TOM1L2: variants seen among roughly 807,000 people sequenced by gnomAD.
TOM1L2 encodes the protein target of myb1 like 2 membrane trafficking protein.
A neutral mutation model predicts 67.9 loss-of-function variants in TOM1L2; 31 were observed. The observed-to-expected ratio is 0.46, with a 90% CI of 0.34 to 0.62. TOM1L2 has a LOEUF of 0.62. TOM1L2 is among the 20% of genes least tolerant of loss of function. The pLI, the probability that TOM1L2 is intolerant of heterozygous loss-of-function variation, is 0.01. For missense variants in TOM1L2, 606 were observed against 663.5 expected, an observed-to-expected ratio of 0.91 and a Z score of 0.95; for synonymous variants, 256 against 254.0, an observed-to-expected ratio of 1.01 and a Z score of -0.07.
In TOM1L2 at chr17:17,881,294, G is replaced by T. The variant is rs548821605; in HGVS notation, c.660+1411C>A. Reference sequence around the variant, plus strand: ...GGGCAGCCACCCAGTAGACTCTGAAGCCCTGGGTCCTCTTGGCCAGGCTGG... The same window carrying T: ...GGGCAGCCACCCAGTAGACTCTGAATCCCTGGGTCCTCTTGGCCAGGCTGG... On this transcript the variant is annotated intron_variant, in intron 6 of 14. Transcript: ENST00000379504. Among the ~76,000 whole-genome samples, 376 of 152,240 alleles carry T rather than the reference G, an allele frequency of 2.5e-3. 1 individual carries two copies. Among genetic ancestry groups the T allele is most frequent in the Middle Eastern group, 6.8e-3 (2 of 294 alleles).
intron 1 of TOM1L2, among the ~76,000 whole-genome samples, chr17:17,920,084 G>A (rs1457685364): frequency 6.6e-6 from 1 of 152,126 alleles, no homozygotes; most frequent in Non-Finnish European, 1.5e-5. Context: ...AGTATTGGAT[G>A]CAGCCCACCC....
chr17:17,878,601 G>T (rs1338001846), intron 7 of TOM1L2, among the ~76,000 whole-genome samples: 1 of 152,250 alleles, frequency 6.6e-6, no homozygotes, highest in Non-Finnish European at 1.5e-5. Flanking sequence ...GCCAGCAGCA[G>T]GGTAGAAGGT....
intron 1 of TOM1L2, among the ~76,000 whole-genome samples, chr17:17,936,121 G>A (rs2040505724): frequency 1.3e-5 from 2 of 152,176 alleles, no homozygotes; most frequent in South Asian, 4.1e-4. Context: ...GTCTTCCTCT[G>A]CAGCCCATCT....
intron 1 of TOM1L2, among the ~76,000 whole-genome samples, chr17:17,963,580 G>C (rs1361543364): frequency 2.0e-5 from 3 of 152,208 alleles, no homozygotes; most frequent in Non-Finnish European, 4.4e-5. Context: ...ATTTTTAAAT[G>C]AGATAAGTAT....
chr17:17,893,936 T>C, intron 3 of TOM1L2, 126 bp from the exon 4 acceptor site: 1 of 949,698 alleles, frequency 1.1e-6, no homozygotes, highest in East Asian at 2.6e-5. Flanking sequence ...TTCTGACACG[T>C]CTCCTCCAGA....
chr17:17,950,986 T>C (rs1289454837), intron 1 of TOM1L2, among the ~76,000 whole-genome samples: 2 of 152,128 alleles, frequency 1.3e-5, no homozygotes, highest in Non-Finnish European at 2.9e-5. Context: ...TGCTGTTTCA[T>C]CTTCCCCACT....
At chr17:17,866,564 G>T in intron 9 of TOM1L2, 145 bp from the exon 10 acceptor site, 1 of 1,109,474 alleles carries the variant, frequency 9.0e-7, no homozygotes, top group Non-Finnish European at 1.2e-6. Flanking sequence ...TCCCCCACCT[G>T]CCTTCCAGGT....
Position 17,952,376 on chromosome 17 carries a change from C to CTTTTTTTTTTTTT in TOM1L2, c.52+19873_52+19885dup, listed in dbSNP as rs60388742. Among the ~76,000 whole-genome samples the CTTTTTTTTTTTTT allele has an allele frequency of 1.1e-3, 88 of 79,898 alleles. 2 individuals are homozygous for CTTTTTTTTTTTTT. Among genetic ancestry groups the CTTTTTTTTTTTTT allele is most frequent in the African/African-American group, 1.8e-3 (42 of 22,842 alleles). The allele number at this position is 79,898 out of a possible 152,430, so 52.4% of individuals were successfully genotyped here. A position where few individuals can be genotyped will look rare whatever the true frequency, so the allele number is the denominator to read the frequency against. ...TATACAGTAAGTGCTTCTTTATTTT[C>CTTTTTTTTTTTTT]TTTTTTTTTTTTTTTTTTTTTTTTT... On this transcript the variant is annotated intron_variant, in intron 1 of 14. Coordinates refer to ENST00000379504, the MANE Select transcript of TOM1L2 (RefSeq NM_001082968.2).
Position 17,862,793 on chromosome 17 carries a change from G to A in TOM1L2, c.1140C>T (p.Pro380=). The A allele has an allele frequency of 6.2e-7, 1 of 1,614,168 alleles. No homozygotes were observed. Among genetic ancestry groups the A allele is most frequent in the Non-Finnish European group, 8.5e-7 (1 of 1,180,030 alleles). The change falls in exon 11 of 15, where the codon CCC becomes CCT. Residue 380 remains proline (P), a synonymous_variant. Transcript: ENST00000379504. Reference sequence around the variant, plus strand: ...GGGCAAACATGTCAAAGCCGTCACGGGGATTACATTGCTGGAGTGAACTGA... The same window carrying A: ...GGGCAAACATGTCAAAGCCGTCACGAGGATTACATTGCTGGAGTGAACTGA... ...GTLSSLQQCN[P]RDGFDMFAQT... is the part of the protein sequence containing the mutation.
intron 1 of TOM1L2, among the ~76,000 whole-genome samples, chr17:17,908,106 A>C (rs1568235946): frequency 6.6e-6 from 1 of 152,200 alleles, no homozygotes; most frequent in African/African-American, 2.4e-5. Flanking sequence ...GAAAGAAAGG[A>C]CCATTGGTTA....
At chr17:17,958,123 C>T (rs2144987298) in intron 1 of TOM1L2, among the ~76,000 whole-genome samples, 1 of 152,058 alleles carries the variant, frequency 6.6e-6, no homozygotes, top group South Asian at 2.1e-4. Flanking sequence ...AACTAAAAGC[C>T]ACTTTGATTT....
chr17:17,910,413 C>A (rs1261698180), intron 1 of TOM1L2, among the ~76,000 whole-genome samples: 1 of 152,282 alleles, frequency 6.6e-6, no homozygotes, highest in Non-Finnish European at 1.5e-5. Flanking sequence ...TGAATGACTG[C>A]ATTAGCAACC....
At chr17:17,965,445 T>C (rs2041841493) in intron 1 of TOM1L2, among the ~76,000 whole-genome samples, 1 of 152,140 alleles carries the variant, frequency 6.6e-6, no homozygotes. Context: ...AACATCCTTT[T>C]CCATTTCTAC....
chr17:17,928,169 C>A (rs2040174180), intron 1 of TOM1L2, among the ~76,000 whole-genome samples: 1 of 147,210 alleles, frequency 6.8e-6, no homozygotes, highest in African/African-American at 2.5e-5. Context: ...CAAAAAAAAT[C>A]AGTAGGAGAC....
chr17:17,946,759 C>T (rs966584979), intron 1 of TOM1L2, among the ~76,000 whole-genome samples: 4 of 151,984 alleles, frequency 2.6e-5, no homozygotes, highest in African/African-American at 9.7e-5. Flanking sequence ...GAGTCTCACT[C>T]TATCGCCCAG....
At chr17:17,901,748 G>A (rs2038867360) in intron 2 of TOM1L2, among the ~76,000 whole-genome samples, 1 of 152,198 alleles carries the variant, frequency 6.6e-6, no homozygotes, top group African/African-American at 2.4e-5. Flanking sequence ...GCTGAGGAGG[G>A]TCCAGAGATG....
intron 1 of TOM1L2, among the ~76,000 whole-genome samples, chr17:17,928,904 T>C (rs2040210147): frequency 6.6e-6 from 1 of 152,220 alleles, no homozygotes; most frequent in Non-Finnish European, 1.5e-5. Context: ...GTGCTTCTGC[T>C]ACGTGGGTTT....
intron 11 of TOM1L2, chr17:17,861,849 G>T: frequency 3.3e-6 from 1 of 304,550 alleles, no homozygotes; most frequent in Non-Finnish European, 6.1e-6. Flanking sequence ...CTCTGAAGCT[G>T]AATGTCCAAA....
chr17:17,968,395 A>C (rs1340081020), intron 1 of TOM1L2, among the ~76,000 whole-genome samples: 1 of 152,184 alleles, frequency 6.6e-6, no homozygotes, highest in Non-Finnish European at 1.5e-5. Context: ...GGCCGGGCGC[A>C]ATGGCTCACT....
Sources: gnomAD v4.1 joint callset for allele counts (sites outside exome capture counted in the v4.1 genomes callset) on GRCh38, gnomAD v4.1.1 for gene constraint, MANE v1.5 for transcripts, NCBI Gene and HGNC (gene_info 2026-07-23, HGNC 2026-07-21) for gene names.